WDPCP: variants seen among roughly 807,000 people sequenced by gnomAD.
WDPCP encodes WD repeat-containing and planar cell polarity effector protein fritz homolog.
Under a neutral mutation model 93.1 loss-of-function variants are expected in WDPCP, and 71 were observed. The observed-to-expected ratio is 0.76, with a 90% CI of 0.63 to 0.93. The LOEUF (loss-of-function observed/expected upper bound fraction) is 0.93, where lower values mean the gene tolerates loss of function less well. WDPCP is among the 40% of genes least tolerant of loss of function. The pLI is 0.00. For synonymous variants in WDPCP, 315 were observed against 315.0 expected (o/e 1.00, Z 0.00); for missense variants, 844 against 887.4 (o/e 0.95, Z 0.62).
chr2:63,792,552 C>A (rs1256457488), intron 2 of WDPCP, among the ~76,000 whole-genome samples: 1 of 152,064 alleles, frequency 6.6e-6, no homozygotes, highest in African/African-American at 2.4e-5. Context: ...GCATCTAAAC[C>A]AGGAGAGACA....
At chr2:63,615,055 C>A (rs1050183845) in intron 3 of WDPCP, among the ~76,000 whole-genome samples, 16 of 152,180 alleles carry the variant, frequency 1.1e-4, no homozygotes, top group Non-Finnish European at 1.5e-5. Flanking sequence ...TAGAAAGACA[C>A]TAGCTAGGCA....
In WDPCP at chr2:63,587,197, A is replaced by C. The variant is rs149664171; in HGVS notation, c.75+1000T>G. Among the ~76,000 whole-genome samples the C allele has an allele frequency of 3.9e-3, 601 of 152,356 alleles. 3 individuals carry two copies. The highest frequency in any genetic ancestry group is 0.014 in the African/African-American group (577 of 41,586). ...AGACACATAAATTTGAGAGTTTTTGACATTAAAAGTAGCATTTGAAGTGAT... is the reference window on the plus strand; with the variant it reads ...AGACACATAAATTTGAGAGTTTTTGCCATTAAAAGTAGCATTTGAAGTGAT... On this transcript the variant is annotated intron_variant, in intron 1 of 17. Coordinates refer to ENST00000272321, the MANE Select transcript of WDPCP (RefSeq NM_015910.7).
chr2:63,164,744 G>T (rs540130672), intron 15 of WDPCP, among the ~76,000 whole-genome samples: 2 of 152,274 alleles, frequency 1.3e-5, no homozygotes, highest in Non-Finnish European at 2.9e-5. Context: ...GTATAAAGAC[G>T]TAATTTATAA....
At chr2:63,455,413 G>GATATATATATATATATATATAT (rs59481179) in intron 6 of WDPCP, among the ~76,000 whole-genome samples, 4 of 140,912 alleles carry the variant, frequency 2.8e-5, no homozygotes, top group African/African-American at 1.0e-4. Context: ...TACTTGTAAA[G>GATATATATATATATATATATAT]ATATATATAT....
chr2:63,721,178 A>G (rs1355581778), intron 2 of WDPCP, among the ~76,000 whole-genome samples: 1 of 152,256 alleles, frequency 6.6e-6, no homozygotes, highest in East Asian at 1.9e-4. Context: ...GACTGCATAA[A>G]TGGGGCTGTC....
chr2:63,561,858 A>G (rs978888231), intron 1 of WDPCP, among the ~76,000 whole-genome samples: 8 of 152,230 alleles, frequency 5.3e-5, no homozygotes, highest in Admixed American at 4.6e-4. Context: ...GTAATTAAAA[A>G]GTCAAGAAAC....
At chr2:63,606,569 A>T (rs979190844) in intron 3 of WDPCP, among the ~76,000 whole-genome samples, 3 of 152,138 alleles carry the variant, frequency 2.0e-5, no homozygotes, top group African/African-American at 7.2e-5. Context: ...AGTATTAGAG[A>T]CCTACAAATA....
intron 14 of WDPCP, among the ~76,000 whole-genome samples, chr2:63,244,812 T>G (rs1226115524): frequency 6.6e-6 from 1 of 152,154 alleles, no homozygotes; most frequent in African/African-American, 2.4e-5. Flanking sequence ...CGTATTCCCA[T>G]TTTCACTTAT....
At chr2:63,762,630 G>A (rs991128292) in intron 2 of WDPCP, among the ~76,000 whole-genome samples, 1 of 152,186 alleles carries the variant, frequency 6.6e-6, no homozygotes, top group African/African-American at 2.4e-5. Context: ...ACTCTCTGAA[G>A]GGTCCCGAAG....
At chr2:63,704,505 G>A (rs1436967564) in intron 2 of WDPCP, among the ~76,000 whole-genome samples, 1 of 152,172 alleles carries the variant, frequency 6.6e-6, no homozygotes, top group Non-Finnish European at 1.5e-5. Flanking sequence ...TTTTTAGCAT[G>A]AAGGGTTGTT....
chr2:63,129,440 T>G (rs189929666), intron 17 of WDPCP, among the ~76,000 whole-genome samples: 6 of 152,370 alleles, frequency 3.9e-5, no homozygotes, highest in African/African-American at 9.6e-5. Context: ...ATCAACACTT[T>G]TTGCTTTCTG....
intron 10 of WDPCP, among the ~76,000 whole-genome samples, chr2:63,393,909 A>G (rs1693494063): frequency 6.6e-6 from 1 of 152,206 alleles, no homozygotes; most frequent in South Asian, 2.1e-4. Flanking sequence ...TACACCATAC[A>G]GAAAAATCAA....
chr2:63,528,292 A>G (rs1188171468), intron 1 of WDPCP, among the ~76,000 whole-genome samples: 1 of 152,222 alleles, frequency 6.6e-6, no homozygotes, highest in East Asian at 1.9e-4. Flanking sequence ...GTCCTTGCCC[A>G]TGCCTATGTC....
At chr2:63,578,130 G>T (rs1234764847) in intron 1 of WDPCP, among the ~76,000 whole-genome samples, 1 of 152,046 alleles carries the variant, frequency 6.6e-6, no homozygotes, top group African/African-American at 2.4e-5. Flanking sequence ...TCTTAATCAG[G>T]CCAAATTAAT....
At chr2:63,184,804 G>T (rs1345406498) in intron 14 of WDPCP, among the ~76,000 whole-genome samples, 1 of 151,996 alleles carries the variant, frequency 6.6e-6, no homozygotes, top group African/African-American at 2.4e-5. Flanking sequence ...TTCCTTAAAT[G>T]ATTTTCAAAA....
intron 1 of WDPCP, among the ~76,000 whole-genome samples, chr2:63,538,760 A>G (rs945285397): frequency 7.2e-5 from 11 of 152,196 alleles, no homozygotes; most frequent in African/African-American, 2.4e-4. Flanking sequence ...AGAACTCAGC[A>G]GTTATAAAGA....
intron 13 of WDPCP, among the ~76,000 whole-genome samples, chr2:63,301,092 C>T (rs1286612403): frequency 6.6e-6 from 1 of 152,200 alleles, no homozygotes; most frequent in Admixed American, 6.5e-5. Context: ...AACAGTGCCA[C>T]CTAGTGGGAC....
At chr2:63,190,490 AT>A (rs1394891414) in intron 14 of WDPCP, among the ~76,000 whole-genome samples, 1 of 151,752 alleles carries the variant, frequency 6.6e-6, no homozygotes, top group Non-Finnish European at 1.5e-5. Context: ...TAAAGGACAT[AT>A]TTTGGGTCCT....
At chr2:63,760,173 G>A (rs1382663510) in intron 2 of WDPCP, among the ~76,000 whole-genome samples, 1 of 152,162 alleles carries the variant, frequency 6.6e-6, no homozygotes, top group Non-Finnish European at 1.5e-5. Context: ...AAAGTATTAA[G>A]AACTTTAAGA....
Sources: allele counts gnomAD v4.1 joint callset (sites outside exome capture counted in the v4.1 genomes callset), GRCh38; gene constraint gnomAD v4.1.1; transcripts MANE v1.5; gene names NCBI Gene and HGNC (gene_info 2026-07-23, HGNC 2026-07-21).